Variants in CSMD2 observed in about 807,000 individuals in gnomAD.
The protein encoded by CSMD2 is CUB and Sushi multiple domains 2.
Under a neutral mutation model 398.5 loss-of-function variants are expected in CSMD2, and 130 were observed. The ratio of observed to expected loss-of-function variants is 0.33; its 90% confidence interval spans 0.28 to 0.38. The LOEUF (loss-of-function observed/expected upper bound fraction) is 0.38. CSMD2 is among the 10% of genes least tolerant of loss of function. CSMD2 has a pLI of 1.00. For synonymous variants in CSMD2, 1,828 were observed against 1,908.5 expected (o/e 0.96, Z 1.10); for missense variants, 3,829 against 4,764.9 (o/e 0.80, Z 5.78).
intron 5 of CSMD2, among the ~76,000 whole-genome samples, chr1:33,890,053 G>A (rs10914806): frequency 0.15 from 17,431 of 119,220 alleles, 1,191 homozygotes; most frequent in South Asian, 0.27. Context: ...ATAAAAAAAA[G>A]AGAAAGAAAT....
chr1:34,086,011 A>C (rs544791224), intron 2 of CSMD2, among the ~76,000 whole-genome samples: 7 of 143,142 alleles, frequency 4.9e-5, no homozygotes, highest in African/African-American at 1.9e-4. Context: ...TGAAATCTTA[A>C]GTTTCCTGGA....
At position 33,636,468 on chromosome 1, in the gene CSMD2, T is replaced by C; in HGVS notation, c.4861A>G (p.Thr1621Ala). Reference sequence around the variant, plus strand: ...TCGTAGCCCCCGTGGCAGTAGTAGGTGACGGAGGAGCCCAGCTTCAGGTCG... The same window carrying C: ...TCGTAGCCCCCGTGGCAGTAGTAGGCGACGGAGGAGCCCAGCTTCAGGTCG... The part of the protein sequence containing the change: ...GSDLKLGSSV[T>A]YYCHGGYEVE... The change falls in exon 30 of 71, where the codon ACC becomes GCC. Residue 1621 changes from threonine (T) to alanine (A), a missense_variant. Physicochemically the swap from Thr to Ala is moderately conservative, Grantham distance 58 (BLOSUM62 0). Coordinates refer to ENST00000373381, the MANE Select transcript of CSMD2 (RefSeq NM_001281956.2). The surrounding 1 kb of genome is among the most constrained non-coding windows in gnomAD (Gnocchi z 4.8). 1 of 1,614,090 alleles carries C rather than the reference T, an allele frequency of 6.2e-7. No individual in the cohort carries two copies. Among genetic ancestry groups the C allele is most frequent in the Non-Finnish European group, 8.5e-7 (1 of 1,180,010 alleles).
At chr1:33,923,287 CAGTG>C (rs1644013501) in intron 4 of CSMD2, among the ~76,000 whole-genome samples, 1 of 152,088 alleles carries the variant, frequency 6.6e-6, no homozygotes, top group African/African-American at 2.4e-5. Context: ...GTCCTTGTGA[CAGTG>C]AGTGAGTCAT....
At chr1:33,934,603 C>T (rs41397146) in intron 4 of CSMD2, among the ~76,000 whole-genome samples, 1,661 of 152,218 alleles carry the variant, frequency 0.011, 25 homozygotes, top group African/African-American at 0.037. Context: ...ATGTGCAATA[C>T]GTATTGGAAG....
intron 39 of CSMD2, 53 bp from the exon 40 acceptor site, chr1:33,614,673 G>A: frequency 9.8e-7 from 1 of 1,025,386 alleles, no homozygotes. Flanking sequence ...GGGTGTACAG[G>A]GCCCTGCCAA....
At chr1:34,031,560 C>G (rs1044266070) in intron 3 of CSMD2, among the ~76,000 whole-genome samples, 1 of 151,952 alleles carries the variant, frequency 6.6e-6, no homozygotes, top group Non-Finnish European at 1.5e-5. Flanking sequence ...TTCCCAGGAG[C>G]CCCCAGTTGC....
chr1:33,523,651 G>T (rs186106486), intron 66 of CSMD2, among the ~76,000 whole-genome samples: 1 of 152,296 alleles, frequency 6.6e-6, no homozygotes, highest in East Asian at 1.9e-4. Flanking sequence ...TTAATAATTG[G>T]ATTACCGGGT....
At position 33,620,308 on chromosome 1, in the gene CSMD2, T is replaced by C. The variant is rs543959082; in HGVS notation, c.5827+1859A>G. On this transcript the variant is annotated intron_variant, in intron 37 of 70. Coordinates refer to ENST00000373381, the MANE Select transcript of CSMD2 (RefSeq NM_001281956.2). ...TACAATAGCAGTTAATTCTCTATTG[T>C]CTGTGAGCTCTTTGTAGATTATCCT... 2.3e-3 allele frequency among the ~76,000 whole-genome samples: 349 copies of C among 152,356 alleles called. 3 individuals are homozygous for C. Among genetic ancestry groups the C allele is most frequent in the African/African-American group, 7.9e-3 (328 of 41,580 alleles).
intron 2 of CSMD2, among the ~76,000 whole-genome samples, chr1:34,037,247 C>T (rs181702612): frequency 0.011 from 1,691 of 152,144 alleles, 13 homozygotes; most frequent in Middle Eastern, 0.024. Context: ...TTTGTCTTTT[C>T]CAGGCCCCTC....
intron 12 of CSMD2, among the ~76,000 whole-genome samples, chr1:33,779,699 T>A (rs560268404): frequency 6.6e-6 from 1 of 152,226 alleles, no homozygotes; most frequent in Admixed American, 6.5e-5. Context: ...CCAGGCAGAC[T>A]TAGGAGCTCT....
intron 19 of CSMD2, among the ~76,000 whole-genome samples, chr1:33,719,010 G>A (rs1486230483): frequency 6.6e-6 from 1 of 152,210 alleles, no homozygotes; most frequent in Non-Finnish European, 1.5e-5. Context: ...CACTGAGAAA[G>A]ATCTCCCAGT....
intron 2 of CSMD2, among the ~76,000 whole-genome samples, chr1:34,039,406 T>C (rs2148181281): frequency 6.6e-6 from 1 of 152,368 alleles, no homozygotes; most frequent in African/African-American, 2.4e-5. Context: ...CAAACCTCTT[T>C]TGAATCTGCA....
chr1:33,957,007 A>G (rs774855820), intron 3 of CSMD2, among the ~76,000 whole-genome samples: 2 of 151,780 alleles, frequency 1.3e-5, no homozygotes, highest in Non-Finnish European at 2.9e-5. Context: ...TCTGGTCCTC[A>G]GGCTTACCAA....
chr1:34,037,693 A>G (rs960204443), intron 2 of CSMD2, among the ~76,000 whole-genome samples: 7 of 152,216 alleles, frequency 4.6e-5, no homozygotes, highest in South Asian at 4.2e-4. Context: ...CTTCAACTAC[A>G]TAGAGCCTCA....
chr1:34,078,850 G>C (rs1389730686), intron 2 of CSMD2, among the ~76,000 whole-genome samples: 1 of 152,180 alleles, frequency 6.6e-6, no homozygotes, highest in Admixed American at 6.5e-5. Flanking sequence ...TTTGTTTTCT[G>C]TTTCCAAGGC....
At position 33,919,118 on chromosome 1, in the gene CSMD2, A is replaced by G. The variant is rs74069843; in HGVS notation, c.713-817T>C. Among the ~76,000 whole-genome samples, 415 of 152,356 alleles carry G rather than the reference A, an allele frequency of 2.7e-3. 3 individuals are homozygous for G. The highest frequency in any genetic ancestry group is 9.4e-3 in the African/African-American group (392 of 41,584). On this transcript the variant is annotated intron_variant, in intron 4 of 70. Transcript: ENST00000373381. Reference sequence around the variant, plus strand: ...ACCACCACAGTCCAGGTGAGGCTGGATGAGATCGAGCTAAGGTCGTGTGGA... The same window carrying G: ...ACCACCACAGTCCAGGTGAGGCTGGGTGAGATCGAGCTAAGGTCGTGTGGA...
chr1:33,726,792 T>C (rs1218412607), intron 15 of CSMD2, 107 bp from the exon 16 acceptor site: 28 of 1,218,274 alleles, frequency 2.3e-5, no homozygotes, highest in Non-Finnish European at 3.0e-5. Context: ...GTTTTTGTTT[T>C]TATGGAAAAT....
chr1:34,043,303 C>G (rs187350151), intron 2 of CSMD2, among the ~76,000 whole-genome samples: 29 of 152,232 alleles, frequency 1.9e-4, no homozygotes, highest in African/African-American at 6.5e-4. Context: ...CAGATGTATC[C>G]CTTTGCCACC....
At chr1:33,832,730 TCAA>T (rs1659740813) in intron 6 of CSMD2, among the ~76,000 whole-genome samples, 1 of 150,070 alleles carries the variant, frequency 6.7e-6, no homozygotes, top group Non-Finnish European at 1.5e-5. Flanking sequence ...TTTGAAAGGA[TCAA>T]CAAAATTGAT....
Sources: allele counts gnomAD v4.1 joint callset (sites outside exome capture counted in the v4.1 genomes callset), GRCh38; gene constraint gnomAD v4.1.1; non-coding constraint Gnocchi (gnomAD v3.1); transcripts MANE v1.5; gene names NCBI Gene and HGNC (gene_info 2026-07-23, HGNC 2026-07-21).